Variants in SCARA5 observed in about 807,000 individuals in gnomAD.
SCARA5 encodes scavenger receptor class A, member 5 (putative).
SCARA5 carries 45 observed loss-of-function variants against 46.3 expected under a neutral mutation model. That is an observed-to-expected ratio of 0.97 (90% confidence interval 0.76 to 1.24). The LOEUF (loss-of-function observed/expected upper bound fraction) is 1.24, where lower values mean the gene tolerates loss of function less well. SCARA5 is among the 50% of genes most tolerant of loss of function. The pLI, the probability that SCARA5 is intolerant of heterozygous loss-of-function variation, is 0.00. For synonymous variants in SCARA5, 333 were observed against 306.5 expected, an observed-to-expected ratio of 1.09 and a Z score of -0.90; for missense variants, 680 against 689.0, an observed-to-expected ratio of 0.99 and a Z score of 0.15.
chr8:27,964,542 CT>C (rs1366157052), intron 3 of SCARA5, among the ~76,000 whole-genome samples: 1 of 152,138 alleles, frequency 6.6e-6, no homozygotes, highest in African/African-American at 2.4e-5. Context: ...AGGAGAAAGC[CT>C]TTTTTTCATC....
chr8:27,965,515 G>C (rs1328856145), intron 3 of SCARA5, among the ~76,000 whole-genome samples: 1 of 122,252 alleles, frequency 8.2e-6, no homozygotes, highest in Non-Finnish European at 1.8e-5. Context: ...CCTTGAGGCA[G>C]GGCTCTATCT....
intron 8 of SCARA5, among the ~76,000 whole-genome samples, chr8:27,876,514 G>A (rs77625547): frequency 0.011 from 1,740 of 152,244 alleles, 33 homozygotes; most frequent in African/African-American, 0.039. Context: ...GCTGGGATGG[G>A]GTCTGACTGG....
intron 6 of SCARA5, 95 bp downstream of exon 6, chr8:27,907,053 C>T (rs980692194): frequency 2.6e-5 from 21 of 819,654 alleles, no homozygotes; most frequent in Non-Finnish European, 3.9e-5. Context: ...TGGTCCGTGG[C>T]ACAGTGAAGA....
intron 7 of SCARA5, among the ~76,000 whole-genome samples, chr8:27,880,578 G>A (rs1254524054): frequency 6.6e-6 from 1 of 152,094 alleles, no homozygotes; most frequent in African/African-American, 2.4e-5. Context: ...GGGCTTGGTG[G>A]CTTATGCTTA....
At chr8:27,986,003 C>T (rs892857003) in intron 2 of SCARA5, among the ~76,000 whole-genome samples, 1 of 152,076 alleles carries the variant, frequency 6.6e-6, no homozygotes, top group African/African-American at 2.4e-5. Context: ...GACATCTGAC[C>T]CCTCCCACCC....
At chr8:27,956,596 C>A (rs926427340) in intron 3 of SCARA5, among the ~76,000 whole-genome samples, 1 of 152,222 alleles carries the variant, frequency 6.6e-6, no homozygotes, top group Non-Finnish European at 1.5e-5. Context: ...GAGGTTTAAA[C>A]AATTTCCCCA....
chr8:27,909,567 C>A (rs1807336045), intron 5 of SCARA5, 96 bp downstream of exon 5: 1 of 856,188 alleles, frequency 1.2e-6, no homozygotes, highest in Non-Finnish European at 1.9e-6. Flanking sequence ...TTGGGCACTC[C>A]CCTGGGGAGC....
At chr8:27,936,323 A>C (rs564486273) in intron 3 of SCARA5, among the ~76,000 whole-genome samples, 205 of 152,162 alleles carry the variant, frequency 1.3e-3, no homozygotes, top group South Asian at 4.2e-3. Flanking sequence ...TCTAGGTCTT[A>C]CAGGCAGGGT....
chr8:27,880,536 A>T (rs1018712287), intron 7 of SCARA5, among the ~76,000 whole-genome samples: 1 of 152,148 alleles, frequency 6.6e-6, no homozygotes, highest in African/African-American at 2.4e-5. Context: ...AAAAACAAAT[A>T]ACCCCATCAG....
chr8:27,942,168 T>C (rs772553456), intron 3 of SCARA5, among the ~76,000 whole-genome samples: 1 of 151,990 alleles, frequency 6.6e-6, no homozygotes, highest in African/African-American at 2.4e-5. Context: ...CAGCAAGAAA[T>C]AGCTTTTCCA....
At chr8:27,986,167 G>T (rs1808702075) in intron 2 of SCARA5, among the ~76,000 whole-genome samples, 1 of 152,198 alleles carries the variant, frequency 6.6e-6, no homozygotes, top group Admixed American at 6.5e-5. Context: ...AGCTCTGCAT[G>T]GGACCAGAAC....
intron 3 of SCARA5, among the ~76,000 whole-genome samples, chr8:27,951,820 G>T (rs780765544): frequency 6.6e-6 from 1 of 152,168 alleles, no homozygotes; most frequent in Non-Finnish European, 1.5e-5. Flanking sequence ...GACTTCGAGC[G>T]AACTCGAACA....
intron 3 of SCARA5, among the ~76,000 whole-genome samples, chr8:27,960,730 G>A (rs1001753038): frequency 7.9e-5 from 12 of 152,098 alleles, no homozygotes; most frequent in Non-Finnish European, 1.5e-5. Context: ...CAGAATGCTC[G>A]AAAGACACAG....
chr8:27,934,689 A>G (rs1199680869), intron 3 of SCARA5, among the ~76,000 whole-genome samples: 2 of 152,184 alleles, frequency 1.3e-5, no homozygotes, highest in African/African-American at 4.8e-5. Context: ...TCCTTGCATT[A>G]ACCACTCTTC....
At chr8:27,907,439 C>T (rs79434328) in intron 5 of SCARA5, among the ~76,000 whole-genome samples, 193 bp from the exon 6 acceptor site, 2,022 of 152,268 alleles carry the variant, frequency 0.013, 55 homozygotes, top group African/African-American at 0.046. Flanking sequence ...CCCATGCACA[C>T]CTTGTATCCA....
At chr8:27,915,939 G>T (rs1319073628) in intron 4 of SCARA5, among the ~76,000 whole-genome samples, 1 of 151,468 alleles carries the variant, frequency 6.6e-6, no homozygotes, top group Non-Finnish European at 1.5e-5. Context: ...TCCCCTCTCT[G>T]GTTACCTTTC....
At chr8:27,912,659 T>C (rs1212401184) in intron 4 of SCARA5, among the ~76,000 whole-genome samples, 3 of 152,218 alleles carry the variant, frequency 2.0e-5, no homozygotes, top group Non-Finnish European at 4.4e-5. Flanking sequence ...TGCCCACCCC[T>C]TTCTCTCCTC....
chr8:27,873,975 G>A (rs749660211), intron 8 of SCARA5, among the ~76,000 whole-genome samples: 9 of 152,204 alleles, frequency 5.9e-5, no homozygotes, highest in Non-Finnish European at 1.2e-4. Context: ...GCTTGAACCC[G>A]TGAGGCGGAG....
rs575412691 is a variant in SCARA5 at position 27,946,763 on chromosome 8, G to A, written c.241+19651C>T. Among the ~76,000 whole-genome samples, 9 of 152,262 alleles carry A rather than the reference G, an allele frequency of 5.9e-5. No individual in the cohort carries two copies. In the East Asian group the frequency reaches 1.7e-3, roughly 29 times the overall value. ...GAGAGAATCTGACGAGGCCTCCTTT[G>A]CCCTCTTCATCCCAGTGAGTGGAAT... On this transcript the variant is annotated intron_variant, in intron 3 of 8. Coordinates refer to ENST00000354914, the MANE Select transcript of SCARA5 (RefSeq NM_173833.6).
Sources: gnomAD v4.1 joint callset for allele counts (sites outside exome capture counted in the v4.1 genomes callset) on GRCh38, gnomAD v4.1.1 for gene constraint, MANE v1.5 for transcripts, NCBI Gene and HGNC (gene_info 2026-07-23, HGNC 2026-07-21) for gene names.